Variants in DHRSX observed in about 807,000 individuals in gnomAD.
DHRSX encodes the protein dehydrogenase/reductase X-linked, also known as polyprenol dehydrogenase.
DHRSX carries 31 observed loss-of-function variants against 34.0 expected under a neutral mutation model. The ratio of observed to expected loss-of-function variants is 0.91; its 90% CI spans 0.69 to 1.23. The LOEUF is 1.23. Among genes scored for constraint, DHRSX ranks in the 50% most tolerant of loss-of-function variants. The probability of loss-of-function intolerance (pLI) is 0.00; values close to 1 mark genes in which losing one functional copy is unlikely to be tolerated. For missense variants in DHRSX, 414 were observed against 428.1 expected (o/e 0.97, Z 0.29); for synonymous variants, 201 against 183.8 (o/e 1.09, Z -0.76).
At chrX:2,493,241 A>C (rs2045201951) in intron 1 of DHRSX, among the ~76,000 whole-genome samples, 1 of 152,214 alleles carries the variant, frequency 6.6e-6, no homozygotes, top group South Asian at 2.1e-4. Flanking sequence ...TACACAGTCA[A>C]CGGAGGGGGA....
chrX:2,429,737 G>C (rs2043894353), intron 1 of DHRSX, among the ~76,000 whole-genome samples: 1 of 151,904 alleles, frequency 6.6e-6, no homozygotes, highest in Non-Finnish European at 1.5e-5. Flanking sequence ...TTCCAGGAGT[G>C]CACCCTGTCA....
chrX:2,331,921 G>T (rs2042483531), intron 3 of DHRSX, among the ~76,000 whole-genome samples: 1 of 152,032 alleles, frequency 6.6e-6, no homozygotes, highest in Admixed American at 6.6e-5. Context: ...CCACCACCCT[G>T]ATCAGTCCAC....
intron 1 of DHRSX, among the ~76,000 whole-genome samples, chrX:2,495,769 C>T (rs775518872): frequency 4.7e-5 from 7 of 150,010 alleles, no homozygotes; most frequent in African/African-American, 7.3e-5. Context: ...ATCCCCAGTG[C>T]GGGGGGAGGG....
chrX:2,500,354 C>A, intron 1 of DHRSX: 1 of 178,892 alleles, frequency 5.6e-6, no homozygotes, highest in Non-Finnish European at 1.2e-5. Context: ...GCCCGCTCCT[C>A]CCCTCCGGGG....
At chrX:2,446,920 G>A (rs2044145552) in intron 1 of DHRSX, among the ~76,000 whole-genome samples, 1 of 151,954 alleles carries the variant, frequency 6.6e-6, no homozygotes, top group Non-Finnish European at 1.5e-5. Flanking sequence ...TGTGGCTGAG[G>A]GGCCGCCGCC....
At chrX:2,268,478 C>T (rs1312031840) in intron 4 of DHRSX, among the ~76,000 whole-genome samples, 1 of 152,184 alleles carries the variant, frequency 6.6e-6, no homozygotes, top group Non-Finnish European at 1.5e-5. Flanking sequence ...GTTTATATAG[C>T]TATACACTTG....
intron 3 of DHRSX, among the ~76,000 whole-genome samples, chrX:2,368,375 G>A (rs1456261841): frequency 6.6e-6 from 1 of 151,924 alleles, no homozygotes; most frequent in African/African-American, 2.4e-5. Flanking sequence ...AAAACATTAC[G>A]ATTTGATACA....
rs868117796 is a variant in DHRSX at position 2,464,990 on chromosome X, C to T, written c.109+35827G>A. 6.8e-5 allele frequency among the ~76,000 whole-genome samples: 10 copies of T among 146,126 alleles called. No homozygotes were observed. In the Middle Eastern group the frequency reaches 0.012, roughly 181 times the overall value. On this transcript the variant is annotated intron_variant, in intron 1 of 6. Transcript: ENST00000334651. ...CCTAAGAATGGGGCTAAGGGACCCC[C>T]GCCATGTACACACTGAAGACGTTCC...
chrX:2,276,797 T>G (rs1319327581), intron 4 of DHRSX, among the ~76,000 whole-genome samples: 54 of 104,186 alleles, frequency 5.2e-4, no homozygotes, highest in East Asian at 5.5e-4. Context: ...AGGGAGGAAA[T>G]AGGGAGAAAG....
rs1204243041 is a variant in DHRSX at position 2,396,375 on chromosome X, C to CTTTTTTTTTTTT, written c.286+12358_286+12369dup. Among the ~76,000 whole-genome samples the CTTTTTTTTTTTT allele has an allele frequency of 6.8e-4, 67 of 99,236 alleles. 3 individuals are homozygous for CTTTTTTTTTTTT. The highest frequency in any genetic ancestry group is 9.8e-4 in the Non-Finnish European group (52 of 53,148). 65.1% of individuals were successfully genotyped at this position (99,236 alleles called of 152,430 possible). A position where few individuals can be genotyped will look rare whatever the true frequency, so the allele number is the denominator to read the frequency against. On this transcript the variant is annotated intron_variant, in intron 3 of 6. Coordinates refer to ENST00000334651, the MANE Select transcript of DHRSX (RefSeq NM_145177.3). ...TGTGTTTGATGCTTTCTTTCTTTTTCTTTTTTTTTTTTTTTTTTTTGAGAC... is the reference window on the plus strand; with the variant it reads ...TGTGTTTGATGCTTTCTTTCTTTTTCTTTTTTTTTTTTTTTTTTTTTTTTTTTTTTTTGAGAC...
intron 3 of DHRSX, among the ~76,000 whole-genome samples, chrX:2,313,062 G>A (rs186757446): frequency 6.6e-6 from 1 of 151,656 alleles, no homozygotes; most frequent in East Asian, 1.9e-4. Flanking sequence ...GAGTGCAGTG[G>A]CATGATCTTG....
chrX:2,226,805 G>A (rs1305876447), intron 6 of DHRSX, among the ~76,000 whole-genome samples: 1 of 151,040 alleles, frequency 6.6e-6, no homozygotes, highest in East Asian at 1.9e-4. Context: ...AAAAAAAAAA[G>A]AAAGAAAAAA....
chrX:2,349,452 C>T lies in DHRSX; in HGVS notation c.287-57849G>A, dbSNP rs192289585. ...ATCCCAGCACCTTGGGAGACTGAGG[C>T]GGGTGGATCACTTGCAGTTAGTTAG... is the stretch of plus-strand genomic sequence containing the variant. On this transcript the variant is annotated intron_variant, in intron 3 of 6. Transcript: ENST00000334651. 2.9e-3 allele frequency among the ~76,000 whole-genome samples: 435 copies of T among 152,186 alleles called. 4 individuals are homozygous for T. Among genetic ancestry groups the T allele is most frequent in the African/African-American group, 9.5e-3 (393 of 41,532 alleles).
chrX:2,410,619 T>A (rs2043614633), intron 2 of DHRSX, among the ~76,000 whole-genome samples: 2 of 152,214 alleles, frequency 1.3e-5, no homozygotes, highest in South Asian at 4.1e-4. Flanking sequence ...TATCCTATCA[T>A]TGTATTCGGT....
chrX:2,369,270 C>G (rs1189438868), intron 3 of DHRSX, among the ~76,000 whole-genome samples: 2 of 152,148 alleles, frequency 1.3e-5, no homozygotes, highest in Non-Finnish European at 2.9e-5. Flanking sequence ...ATACCAACAT[C>G]AGAACTGGAG....
chrX:2,316,626 A>T (rs991263478), intron 3 of DHRSX, among the ~76,000 whole-genome samples: 3 of 152,160 alleles, frequency 2.0e-5, no homozygotes, highest in African/African-American at 4.8e-5. Context: ...TTTGAAGAAG[A>T]AGAATTACTC....
intron 3 of DHRSX, among the ~76,000 whole-genome samples, chrX:2,300,248 C>T (rs2041995091): frequency 6.6e-6 from 1 of 152,164 alleles, no homozygotes; most frequent in South Asian, 2.1e-4. Flanking sequence ...GCCGTGCCCT[C>T]CCTCACTCAT....
intron 4 of DHRSX, among the ~76,000 whole-genome samples, chrX:2,290,767 T>C (rs1160719980): frequency 6.6e-6 from 1 of 152,224 alleles, no homozygotes; most frequent in Non-Finnish European, 1.5e-5. Context: ...TTTAGTTCTA[T>C]GTATTTACTT....
chrX:2,444,475 G>A (rs2044102734), intron 1 of DHRSX, among the ~76,000 whole-genome samples: 1 of 152,144 alleles, frequency 6.6e-6, no homozygotes, highest in African/African-American at 2.4e-5. Context: ...GAGGAGACCT[G>A]GGCGGCAGAC....
Sources: allele counts gnomAD v4.1 joint callset (sites outside exome capture counted in the v4.1 genomes callset), GRCh38; gene constraint gnomAD v4.1.1; transcripts MANE v1.5; gene names NCBI Gene and HGNC (gene_info 2026-07-23, HGNC 2026-07-21).